The following LMO4 variants were observed in gnomAD, a reference collection of about 807,000 sequenced individuals.
LMO4 encodes the protein LIM domain only 4.
A neutral mutation model predicts 18.5 loss-of-function variants in LMO4; 3 were observed. The ratio of observed to expected loss-of-function variants is 0.16; its 90% CI spans 0.07 to 0.42. LMO4 has a LOEUF of 0.42. LMO4 is among the 10% of genes least tolerant of loss of function. The pLI, the probability that LMO4 is intolerant of heterozygous loss-of-function variation, is 0.99. For synonymous variants in LMO4, 100 were observed against 88.1 expected (o/e 1.14, Z -0.76); for missense variants, 121 against 219.9 (o/e 0.55, Z 2.84).
intron 4 of LMO4, among the ~76,000 whole-genome samples, chr1:87,341,560 G>A (rs1386547704): frequency 6.6e-6 from 1 of 152,078 alleles, no homozygotes; most frequent in East Asian, 1.9e-4. Flanking sequence ...CGGTGGTGGA[G>A]GTGGGGGTTT....
intron 4 of LMO4, among the ~76,000 whole-genome samples, chr1:87,341,836 G>T (rs1215138229): frequency 6.6e-6 from 1 of 152,186 alleles, no homozygotes; most frequent in Non-Finnish European, 1.5e-5. Context: ...TTCAAGGAGT[G>T]CCAAGACATA....
Position 87,348,233 on chromosome 1 carries a change from TC to T in LMO4, c.*3439del, listed in dbSNP as rs1357406985. On this transcript the variant is annotated 3_prime_UTR_variant, in exon 5 of 5. Coordinates refer to ENST00000370544, the MANE Select transcript of LMO4 (RefSeq NM_006769.4). Reference sequence around the variant, plus strand: ...ACTAATTGTATTTAAATTGAGGAGATCCAAAAACCCCATCACCCTTCACCCC... The same window carrying T: ...ACTAATTGTATTTAAATTGAGGAGATCAAAAACCCCATCACCCTTCACCCC... 6.4e-6 allele frequency: 1 copy of T among 157,244 alleles called. No homozygotes were observed. Among genetic ancestry groups the T allele is most frequent in the Admixed American group, 6.1e-5 (1 of 16,392 alleles). 9.7% of individuals were successfully genotyped at this position (157,244 alleles called of 1,614,324 possible). A position where few individuals can be genotyped will look rare whatever the true frequency, so the allele number is the denominator to read the frequency against.
At chr1:87,334,155 G>A (rs187743831) in intron 2 of LMO4, among the ~76,000 whole-genome samples, 2 of 152,130 alleles carry the variant, frequency 1.3e-5, no homozygotes, top group African/African-American at 4.8e-5. Context: ...TGTGTGCCCA[G>A]CCCTGAGCCT....
In LMO4 at chr1:87,345,706, T is replaced by C. The variant is rs1298570010; in HGVS notation, c.*910T>C. The C allele has an allele frequency of 6.6e-6, 1 of 152,214 alleles. No homozygotes were observed. The highest frequency in any genetic ancestry group is 1.5e-5 in the Non-Finnish European group (1 of 68,034). 9.4% of individuals were successfully genotyped at this position (152,214 alleles called of 1,614,324 possible). A position where few individuals can be genotyped will look rare whatever the true frequency, so the allele number is the denominator to read the frequency against. ...GGAGTTGAGGGAGGTGGAGTGTATA[T>C]TTATTTAGCTCTGGGCCAGTAAGGT... is the stretch of plus-strand genomic sequence containing the variant. On this transcript the variant is annotated 3_prime_UTR_variant, in exon 5 of 5. Transcript: ENST00000370544.
At chr1:87,332,948 T>C (rs1367810030) in intron 2 of LMO4, among the ~76,000 whole-genome samples, 7 of 152,228 alleles carry the variant, frequency 4.6e-5, no homozygotes, top group Admixed American at 2.0e-4. Flanking sequence ...TTTTTTTCAA[T>C]TGAAGCATGT....
intron 4 of LMO4, among the ~76,000 whole-genome samples, chr1:87,340,593 G>C (rs1266204649): frequency 6.6e-6 from 1 of 152,182 alleles, no homozygotes; most frequent in East Asian, 1.9e-4. Context: ...AGAGAATAAA[G>C]ATCTTTGTTA....
intron 4 of LMO4, among the ~76,000 whole-genome samples, chr1:87,342,775 A>G (rs3766021): frequency 0.11 from 17,248 of 152,132 alleles, 1,159 homozygotes; most frequent in East Asian, 0.2. Context: ...AACGTGGTCC[A>G]GAGAGATATT....
intron 4 of LMO4, among the ~76,000 whole-genome samples, chr1:87,341,983 T>C (rs997075170): frequency 2.0e-5 from 3 of 152,190 alleles, no homozygotes; most frequent in African/African-American, 7.2e-5. Flanking sequence ...TAGTTACACT[T>C]GGTAGCAAAA....
chr1:87,333,355 T>TAAG (rs3841794), intron 2 of LMO4, among the ~76,000 whole-genome samples: 37,224 of 151,888 alleles, frequency 0.25, 7,027 homozygotes, highest in African/African-American at 0.52. Context: ...CGCACACTTT[T>TAAG]AAGAATTTCA....
At chr1:87,329,440 G>T (rs1451216926) in intron 1 of LMO4, among the ~76,000 whole-genome samples, 196 bp downstream of exon 1, 1 of 152,186 alleles carries the variant, frequency 6.6e-6, no homozygotes, top group East Asian at 1.9e-4. Context: ...GGGCAGCCCC[G>T]GGCCGCCAGC....
At chr1:87,330,553 GAC>G (rs1409511963) in intron 1 of LMO4, among the ~76,000 whole-genome samples, 3 of 152,182 alleles carry the variant, frequency 2.0e-5, no homozygotes, top group Non-Finnish European at 4.4e-5. Context: ...GCGGTCACTG[GAC>G]ACACGTTCCG....
intron 4 of LMO4, among the ~76,000 whole-genome samples, chr1:87,344,153 A>G (rs1650566985): frequency 6.6e-6 from 1 of 152,254 alleles, no homozygotes; most frequent in Admixed American, 6.5e-5. Flanking sequence ...ATTTTCATAT[A>G]GACACACACC....
At position 87,339,650 on chromosome 1, in the gene LMO4, C is replaced by A; in HGVS notation, c.333+18C>A. On this transcript the variant is annotated intron_variant, in intron 3 of 4. Transcript: ENST00000370544. ...ATCTTAAGGTAGTATTTGCATCTCT[C>A]TTTTTTTTTTAAAAAAAAAATCATA... 7.3e-7 allele frequency: 1 copy of A among 1,365,824 alleles called. No homozygotes were observed. Among genetic ancestry groups the A allele is most frequent in the Non-Finnish European group, 1.0e-6 (1 of 991,608 alleles). The allele number at this position is 1,365,824 out of a possible 1,614,324, so 84.6% of individuals were successfully genotyped here. A position where few individuals can be genotyped will look rare whatever the true frequency, so the allele number is the denominator to read the frequency against.
At chr1:87,335,417 C>G (rs1330594628) in intron 2 of LMO4, among the ~76,000 whole-genome samples, 1 of 151,806 alleles carries the variant, frequency 6.6e-6, no homozygotes, top group East Asian at 1.9e-4. Context: ...CGCCCGAGGC[C>G]GCAGCCAGAG....
chr1:87,330,514 T>C (rs935542906), intron 1 of LMO4, among the ~76,000 whole-genome samples: 16 of 152,230 alleles, frequency 1.1e-4, no homozygotes, highest in Admixed American at 1.3e-4. Flanking sequence ...TACAGCTTAA[T>C]TGGTGCAGTT....
intron 4 of LMO4, 112 bp from the exon 5 acceptor site, chr1:87,344,676 A>G: frequency 9.5e-7 from 1 of 1,057,890 alleles, no homozygotes. Flanking sequence ...TTGGAAAGTA[A>G]TCTAATAAAA....
chr1:87,345,726 T>TA lies in LMO4; in HGVS notation c.*932dup, dbSNP rs1650607062. The TA allele has an allele frequency of 6.6e-6, 1 of 152,204 alleles. No individual in the cohort carries two copies. Among genetic ancestry groups the TA allele is most frequent in the South Asian group, 2.1e-4 (1 of 4,830 alleles). 9.4% of individuals were successfully genotyped at this position (152,204 alleles called of 1,614,324 possible). ...GTATATTTATTTAGCTCTGGGCCAG[T>TA]AAGGTATTCTTCAAATTACTTAACC... On this transcript the variant is annotated 3_prime_UTR_variant, in exon 5 of 5. Transcript: ENST00000370544.
At chr1:87,344,700 T>A in intron 4 of LMO4, 88 bp from the exon 5 acceptor site, 1 of 1,275,954 alleles carries the variant, frequency 7.8e-7, no homozygotes, top group Non-Finnish European at 1.1e-6. Context: ...GATTAGTGAA[T>A]GTGGGGAAGA....
rs1424047992 is a variant in LMO4, at chr1:87,346,051, CACTT to C, written c.*1257_*1260del. The C allele has an allele frequency of 6.6e-6, 1 of 152,152 alleles. No homozygotes were observed. The highest frequency in any genetic ancestry group is 1.5e-5 in the Non-Finnish European group (1 of 68,040). 9.4% of individuals were successfully genotyped at this position (152,152 alleles called of 1,614,324 possible). The stretch of plus-strand genomic sequence containing the variant: ...TCATACCTGTACATATTTTGAAGCT[CACTT>C]AGTTGTAGGGACCCAGAGCTCTTTT... On this transcript the variant is annotated 3_prime_UTR_variant, in exon 5 of 5. Coordinates refer to ENST00000370544, the MANE Select transcript of LMO4 (RefSeq NM_006769.4).
Sources: gnomAD v4.1 joint callset for allele counts (sites outside exome capture counted in the v4.1 genomes callset) on GRCh38, gnomAD v4.1.1 for gene constraint, MANE v1.5 for transcripts, NCBI Gene and HGNC (gene_info 2026-07-23, HGNC 2026-07-21) for gene names.